Variants in GALNT17 observed in about 807,000 individuals in gnomAD.
The protein encoded by GALNT17 is polypeptide N-acetylgalactosaminyltransferase 17.
In GALNT17, 29 loss-of-function variants were observed where a neutral mutation model predicts 63.7. That is an observed-to-expected ratio of 0.46 (90% confidence interval 0.34 to 0.62). GALNT17 has a LOEUF of 0.62. Ranked by LOEUF, GALNT17 falls within the 20% of genes least tolerant of loss-of-function variation. The pLI, the probability that GALNT17 is intolerant of heterozygous loss-of-function variation, is 0.01. For missense variants in GALNT17, 603 were observed against 799.6 expected (o/e 0.75, Z 2.97); for synonymous variants, 305 against 318.3 (o/e 0.96, Z 0.45).
At chr7:71,595,267 A>T (rs906969539) in intron 6 of GALNT17, among the ~76,000 whole-genome samples, 6 of 151,970 alleles carry the variant, frequency 3.9e-5, no homozygotes, top group Admixed American at 3.3e-4. Context: ...ACAAAAAATA[A>T]AAATAATAAC....
At chr7:71,464,325 T>C (rs1038095855) in intron 5 of GALNT17, among the ~76,000 whole-genome samples, 2 of 152,112 alleles carry the variant, frequency 1.3e-5, no homozygotes, top group Non-Finnish European at 2.9e-5. Flanking sequence ...AAACTGGACT[T>C]GGCATGGACA....
intron 1 of GALNT17, among the ~76,000 whole-genome samples, chr7:71,313,563 A>G (rs1791447281): frequency 6.6e-6 from 1 of 152,244 alleles, no homozygotes; most frequent in African/African-American, 2.4e-5. Flanking sequence ...ATTTACCGTG[A>G]AAGAAGCTCT....
chr7:71,196,593 C>T (rs1451254833), intron 1 of GALNT17, among the ~76,000 whole-genome samples: 2 of 151,836 alleles, frequency 1.3e-5, no homozygotes, highest in Non-Finnish European at 2.9e-5. Context: ...GGTTATGCTA[C>T]TTGATAGTGT....
At position 71,382,700 on chromosome 7, in the gene GALNT17, C is replaced by T. The variant is rs967385169; in HGVS notation, c.423-5535C>T. Reference sequence around the variant, plus strand: ...ACAAGGTTCTGATGAGGTGTGACACCGCAATCTGGTGTAATCTTCTTTTCC... The same window carrying T: ...ACAAGGTTCTGATGAGGTGTGACACTGCAATCTGGTGTAATCTTCTTTTCC... On this transcript the variant is annotated intron_variant, in intron 2 of 10. Coordinates refer to ENST00000333538, the MANE Select transcript of GALNT17 (RefSeq NM_022479.3). Among the ~76,000 whole-genome samples, 3 of 152,046 alleles carry T rather than the reference C, an allele frequency of 2.0e-5. 1 individual carries two copies. Among genetic ancestry groups the T allele is most frequent in the Non-Finnish European group, 4.4e-5 (3 of 68,014 alleles).
intron 1 of GALNT17, among the ~76,000 whole-genome samples, chr7:71,208,026 C>G (rs769515403): frequency 2.7e-4 from 41 of 151,820 alleles, no homozygotes; most frequent in Non-Finnish European, 5.6e-4. Flanking sequence ...CCTCGACCCC[C>G]CTGGGCGCAA....
Position 71,482,023 on chromosome 7 carries a change from C to A in GALNT17, c.962+60918C>A, listed in dbSNP as rs552871411. Among the ~76,000 whole-genome samples the A allele has an allele frequency of 3.3e-5, 5 of 149,940 alleles. No homozygotes were observed. In the South Asian group the frequency reaches 1.1e-3, roughly 32 times the overall value. ...ACAGTTGCATGAGGTCAAATCCTTG[C>A]AAAAAGTCATAAAAGTGATATATAT... On this transcript the variant is annotated intron_variant, in intron 5 of 10. Coordinates refer to ENST00000333538, the MANE Select transcript of GALNT17 (RefSeq NM_022479.3).
At chr7:71,698,950 T>G (rs999327332) in intron 9 of GALNT17, among the ~76,000 whole-genome samples, 13 of 151,772 alleles carry the variant, frequency 8.6e-5, no homozygotes, top group Non-Finnish European at 1.8e-4. Context: ...GGGGGGCAGA[T>G]TGCCAGAACT....
In GALNT17 at chr7:71,552,341, G is replaced by A. The variant is rs147720714; in HGVS notation, c.963-18944G>A. Among the ~76,000 whole-genome samples the A allele has an allele frequency of 4.5e-3, 679 of 151,988 alleles. 10 individuals are homozygous for A. Among genetic ancestry groups the A allele is most frequent in the African/African-American group, 0.016 (646 of 41,468 alleles). On this transcript the variant is annotated intron_variant, in intron 5 of 10. Transcript: ENST00000333538. ...ATTACAGGCGTGAGCTGCTGTGCCTGGCATATAGCACTTGTTATATGCTAG... is the reference window on the plus strand; with the variant it reads ...ATTACAGGCGTGAGCTGCTGTGCCTAGCATATAGCACTTGTTATATGCTAG...
intron 5 of GALNT17, among the ~76,000 whole-genome samples, chr7:71,500,881 C>T (rs568218916): frequency 6.6e-6 from 1 of 152,152 alleles, no homozygotes. Flanking sequence ...CTCTTCTCCC[C>T]CTTTACCATA....
chr7:71,256,727 A>T lies in GALNT17; in HGVS notation c.239-78823A>T, dbSNP rs532956998. ...AGAAATCTCTCTAAATATTTTACAGATTTTGACTTTTTTCAATGACAATAA... is the reference window on the plus strand; with the variant it reads ...AGAAATCTCTCTAAATATTTTACAGTTTTTGACTTTTTTCAATGACAATAA... On this transcript the variant is annotated intron_variant, in intron 1 of 10. Transcript: ENST00000333538. Among the ~76,000 whole-genome samples the T allele has an allele frequency of 3.9e-5, 6 of 152,268 alleles. No individual in the cohort carries two copies. In the South Asian group the frequency reaches 1.2e-3, roughly 32 times the overall value.
intron 2 of GALNT17, among the ~76,000 whole-genome samples, chr7:71,363,647 T>C (rs1472826502): frequency 6.6e-6 from 1 of 152,216 alleles, no homozygotes; most frequent in African/African-American, 2.4e-5. Context: ...GTAACTTTCG[T>C]ATAGCTGATA....
intron 5 of GALNT17, among the ~76,000 whole-genome samples, chr7:71,456,226 AC>A (rs1481747642): frequency 6.6e-6 from 1 of 152,112 alleles, no homozygotes; most frequent in African/African-American, 2.4e-5. Context: ...AGCCTTGGTA[AC>A]AGAGTAAAAC....
intron 2 of GALNT17, among the ~76,000 whole-genome samples, chr7:71,339,546 G>A (rs1299117937): frequency 6.6e-6 from 1 of 152,008 alleles, no homozygotes; most frequent in Non-Finnish European, 1.5e-5. Flanking sequence ...AAAAAGAAGC[G>A]GGGCATGGTG....
chr7:71,158,865 A>G (rs6460642), intron 1 of GALNT17, among the ~76,000 whole-genome samples: 70,291 of 151,628 alleles, frequency 0.46, 18,003 homozygotes, highest in African/African-American at 0.64. Flanking sequence ...GTGAGCCACC[A>G]CGCCCGGCAA....
chr7:71,458,119 T>C (rs564636018), intron 5 of GALNT17, among the ~76,000 whole-genome samples: 1 of 152,132 alleles, frequency 6.6e-6, no homozygotes. Flanking sequence ...CTGCCAGGGC[T>C]CAGGCAGCAG....
At chr7:71,212,089 C>A (rs1193083131) in intron 1 of GALNT17, among the ~76,000 whole-genome samples, 2 of 152,224 alleles carry the variant, frequency 1.3e-5, no homozygotes, top group Non-Finnish European at 2.9e-5. Flanking sequence ...ACCTTCACAG[C>A]AGCCCCTCCC....
At chr7:71,321,237 G>C (rs1198150373) in intron 1 of GALNT17, among the ~76,000 whole-genome samples, 1 of 152,122 alleles carries the variant, frequency 6.6e-6, no homozygotes, top group Non-Finnish European at 1.5e-5. Flanking sequence ...TAAATGCTAG[G>C]AGGCTAAGTA....
chr7:71,140,033 A>G (rs1689840549), intron 1 of GALNT17, among the ~76,000 whole-genome samples: 1 of 152,026 alleles, frequency 6.6e-6, no homozygotes, highest in Non-Finnish European at 1.5e-5. Flanking sequence ...CCAAAAACAA[A>G]AAGAGAGGGA....
At chr7:71,312,967 G>A (rs1000317095) in intron 1 of GALNT17, among the ~76,000 whole-genome samples, 2 of 152,040 alleles carry the variant, frequency 1.3e-5, no homozygotes, top group Non-Finnish European at 2.9e-5. Flanking sequence ...ATATTAGCTG[G>A]GCATTGTGGT....
Sources: allele counts gnomAD v4.1 joint callset (sites outside exome capture counted in the v4.1 genomes callset), GRCh38; gene constraint gnomAD v4.1.1; transcripts MANE v1.5; gene names NCBI Gene and HGNC (gene_info 2026-07-23, HGNC 2026-07-21).